NOTCH2: variants seen among roughly 807,000 people sequenced by gnomAD.
NOTCH2 encodes notch receptor 2, also known as neurogenic locus notch homolog protein 2.
In NOTCH2, 29 loss-of-function variants were observed where a neutral mutation model predicts 235.8. The ratio of observed to expected loss-of-function variants is 0.12; its 90% confidence interval spans 0.09 to 0.17. The LOEUF (loss-of-function observed/expected upper bound fraction) is 0.17, where lower values mean the gene tolerates loss of function less well. NOTCH2 is among the 10% of genes least tolerant of loss of function. The probability of loss-of-function intolerance (pLI) is 1.00; values close to 1 mark genes in which losing one functional copy is unlikely to be tolerated. For synonymous variants in NOTCH2, 1,086 were observed against 1,141.5 expected (o/e 0.95, Z 0.98); for missense variants, 2,285 against 3,150.2 (o/e 0.73, Z 6.57).
At chr1:119,943,874 A>G (rs1650158656) in intron 17 of NOTCH2, among the ~76,000 whole-genome samples, 1 of 152,212 alleles carries the variant, frequency 6.6e-6, no homozygotes, top group Admixed American at 6.5e-5. Flanking sequence ...GAGGGAGGTA[A>G]CGTTAAAAGA....
chr1:120,067,277 T>A (rs1217766199), intron 1 of NOTCH2, among the ~76,000 whole-genome samples: 1 of 145,316 alleles, frequency 6.9e-6, no homozygotes, highest in African/African-American at 2.8e-5. Context: ...TAGTTTAGCA[T>A]CTAAAGAACA....
chr1:119,945,964 A>G (rs1650240018), intron 17 of NOTCH2, among the ~76,000 whole-genome samples: 1 of 152,106 alleles, frequency 6.6e-6, no homozygotes. Context: ...TTTCAAAGAA[A>G]GAAGAGACAA....
chr1:119,917,398 A>G (rs1649124024), intron 33 of NOTCH2, among the ~76,000 whole-genome samples: 1 of 152,214 alleles, frequency 6.6e-6, no homozygotes, highest in African/African-American at 2.4e-5. Context: ...GGAGAAAAGG[A>G]AATGTCAGGG....
At chr1:119,927,901 A>G (rs1395151562) in intron 23 of NOTCH2, among the ~76,000 whole-genome samples, 2 of 152,194 alleles carry the variant, frequency 1.3e-5, no homozygotes, top group Middle Eastern at 3.2e-3. Flanking sequence ...GTAAGGTAGC[A>G]TATCTTTAAA....
intron 11 of NOTCH2, among the ~76,000 whole-genome samples, chr1:119,959,841 A>C (rs1341766915): frequency 6.6e-6 from 1 of 152,238 alleles, no homozygotes; most frequent in Non-Finnish European, 1.5e-5. Flanking sequence ...GCTCACCTCC[A>C]CATGCCACAG....
chr1:120,010,727 T>G (rs1553206822), intron 2 of NOTCH2, among the ~76,000 whole-genome samples: 1 of 152,264 alleles, frequency 6.6e-6, no homozygotes, highest in African/African-American at 2.4e-5. Context: ...TGGATCCCAC[T>G]GTGAGAAAGC....
chr1:119,923,119 T>C (rs1649344387), intron 26 of NOTCH2, among the ~76,000 whole-genome samples: 1 of 152,218 alleles, frequency 6.6e-6, no homozygotes, highest in African/African-American at 2.4e-5. Context: ...TACTCAGTGG[T>C]ACTTGGTGCT....
Position 119,915,692 on chromosome 1 carries a change from C to T in NOTCH2, c.7030G>A (p.Glu2344Lys), listed in dbSNP as rs2101142159. The T allele has an allele frequency of 1.2e-6, 2 of 1,612,436 alleles. No individual in the cohort carries two copies. Among genetic ancestry groups the T allele is most frequent in the Non-Finnish European group, 1.7e-6 (2 of 1,178,976 alleles). Residue 2344 changes from glutamate (E) to lysine (K), a missense_variant, in exon 34 of 34, where the codon GAA (glutamate) becomes AAA (lysine). This residue lies in a region of NOTCH2 where 504 missense variants were observed against 538.0 expected (regional missense o/e 0.94). Transcript: ENST00000256646. Reference protein sequence around the residue: ...GPLPTMYQIPEMARLPSVAFP... With the variant: ...GPLPTMYQIPKMARLPSVAFP... ...GCCACACTGGGCAAACGGGCCATTT[C>T]TGGAATCTGGTACATGGTGGGCAGG...
chr1:119,930,913 A>G (rs1346617465), intron 22 of NOTCH2, among the ~76,000 whole-genome samples: 3 of 151,908 alleles, frequency 2.0e-5, no homozygotes, highest in Admixed American at 6.6e-5. Flanking sequence ...CCTGGCTAAC[A>G]TGGTGAAACC....
intron 2 of NOTCH2, among the ~76,000 whole-genome samples, chr1:120,006,977 C>T (rs587657502): frequency 0.011 from 1,601 of 151,958 alleles, 1 homozygote; most frequent in African/African-American, 0.035. Flanking sequence ...AAGAATTGTG[C>T]GGTAGCTAAA....
chr1:119,928,916 A>G (rs201799644), intron 23 of NOTCH2, 60 bp downstream of exon 23: 56 of 1,438,144 alleles, frequency 3.9e-5, no homozygotes, highest in Non-Finnish European at 5.1e-5. Flanking sequence ...ACAGGGCCCA[A>G]TTTGTTCACT....
rs2101099261 is a variant in NOTCH2, at chr1:119,937,476, C to A, written c.3338-10G>T. 2 of 1,611,986 alleles carry A rather than the reference C, an allele frequency of 1.2e-6. No homozygotes were observed. Among genetic ancestry groups the A allele is most frequent in the South Asian group, 1.1e-5 (1 of 90,814 alleles). ...TGTTCAACAAGCACACCTGGGAAAC[C>A]CAGTGAGGGAGAAATGTCATAGAAG... On this transcript the variant is annotated splice_polypyrimidine_tract_variant and intron_variant, in intron 20 of 33. Transcript: ENST00000256646.
At chr1:119,984,820 CAGG>C (rs1164330678) in intron 5 of NOTCH2, among the ~76,000 whole-genome samples, 1 of 152,098 alleles carries the variant, frequency 6.6e-6, no homozygotes, top group African/African-American at 2.4e-5. Flanking sequence ...AGTGTTATTA[CAGG>C]AGAATACATG....
chr1:120,025,284 G>A (rs1653798778), intron 2 of NOTCH2, among the ~76,000 whole-genome samples: 1 of 151,274 alleles, frequency 6.6e-6, no homozygotes, highest in African/African-American at 2.4e-5. Context: ...CTGGACGGCT[G>A]AAAAGACTGA....
chr1:119,986,584 A>T (rs751684363), intron 5 of NOTCH2, among the ~76,000 whole-genome samples: 1 of 152,158 alleles, frequency 6.6e-6, no homozygotes, highest in Non-Finnish European at 1.5e-5. Context: ...AGCCTGTACA[A>T]TTTATTTTAG....
At chr1:119,935,395 A>C (rs1455065710) in intron 22 of NOTCH2, 77 bp downstream of exon 22, 1 of 1,612,924 alleles carries the variant, frequency 6.2e-7, no homozygotes, top group Non-Finnish European at 8.5e-7. Context: ...ATTTTATAAA[A>C]TCCCCTGAAC....
intron 2 of NOTCH2, among the ~76,000 whole-genome samples, chr1:120,028,461 G>C (rs1653960259): frequency 6.6e-6 from 1 of 151,942 alleles, no homozygotes; most frequent in South Asian, 2.1e-4. Flanking sequence ...CCCCCAGCTA[G>C]AAAAACTAAA....
intron 32 of NOTCH2, among the ~76,000 whole-genome samples, chr1:119,918,076 T>A (rs1649150519): frequency 6.6e-6 from 1 of 152,202 alleles, no homozygotes; most frequent in Non-Finnish European, 1.5e-5. Flanking sequence ...AGAATTTATA[T>A]TGAGAATATT....
rs1288632342 is a variant in NOTCH2 at position 119,919,577 on chromosome 1, C to G, written c.5516G>C (p.Gly1839Ala). 1 of 1,614,158 alleles carries G rather than the reference C, an allele frequency of 6.2e-7. No homozygotes were observed. The highest frequency in any genetic ancestry group is 8.5e-7 in the Non-Finnish European group (1 of 1,180,038). The change falls in exon 31 of 34, where the codon GGA becomes GCA. Residue 1839 changes from glycine (G) to alanine (A), a missense_variant. By Grantham distance (60) the Gly-to-Ala change is moderately conservative. This residue lies in a region of NOTCH2 where 1,173 missense variants were observed against 1,515.3 expected (regional missense o/e 0.77). Coordinates refer to ENST00000256646, the MANE Select transcript of NOTCH2 (RefSeq NM_024408.4). The part of the protein sequence containing the change: ...CTPLMLASLR[G>A]GSSDLSDEDE... ...TTCATCACTCAAATCTGAGCTGCCT[C>G]CTCGGAGAGAAGCCAACATCAATGG...
Sources: gnomAD v4.1 joint callset for allele counts (sites outside exome capture counted in the v4.1 genomes callset) on GRCh38, gnomAD v4.1.1 for gene constraint, gnomAD v4.1.1 regional missense constraint, MANE v1.5 for transcripts, NCBI Gene and HGNC (gene_info 2026-07-23, HGNC 2026-07-21) for gene names.